The following ANXA8 variants were observed in gnomAD, a reference collection of about 807,000 sequenced individuals.
ANXA8 encodes the protein VAC-beta.
In ANXA8, 9 loss-of-function variants were observed where a neutral mutation model predicts 26.8. The ratio of observed to expected loss-of-function variants is 0.34; its 90% CI spans 0.20 to 0.59. The LOEUF (loss-of-function observed/expected upper bound fraction) is 0.59, where lower values mean the gene tolerates loss of function less well. Among genes scored for constraint, ANXA8 ranks in the 20% least tolerant of loss-of-function variants. The pLI, the probability that ANXA8 is intolerant of heterozygous loss-of-function variation, is 0.84. For missense variants in ANXA8, 83 were observed against 238.5 expected, an observed-to-expected ratio of 0.35 and a Z score of 4.29; for synonymous variants, 39 against 94.8, an observed-to-expected ratio of 0.41 and a Z score of 3.42.
At chr10:47,981,377 GA>G in the ANXA8 span, among the ~76,000 whole-genome samples, 1 of 128,144 alleles carries the variant, frequency 7.8e-6, no homozygotes, top group Non-Finnish European at 1.7e-5. Flanking sequence ...TTCCTTCTAA[GA>G]CCAGTAAGAA....
At chr10:47,587,927 T>A in the ANXA8 span, among the ~76,000 whole-genome samples, 1 of 146,034 alleles carries the variant, frequency 6.8e-6, no homozygotes, top group Non-Finnish European at 1.5e-5. Context: ...CCTGTTGAAA[T>A]CTTGTGGAAA....
At chr10:47,495,658 A>G in the ANXA8 span, among the ~76,000 whole-genome samples, 1 of 135,696 alleles carries the variant, frequency 7.4e-6, no homozygotes, top group South Asian at 2.5e-4. Flanking sequence ...ACTGAGGAGG[A>G]AGAGGAGGAG....
At chr10:47,951,946 A>T in the ANXA8 span, among the ~76,000 whole-genome samples, 212 of 150,804 alleles carry the variant, frequency 1.4e-3, 2 homozygotes, top group African/African-American at 5.1e-3. Context: ...ATGCAAAGTT[A>T]ATCAGTGCAA....
chr10:47,626,084 G>A, the ANXA8 span, among the ~76,000 whole-genome samples: 2 of 150,244 alleles, frequency 1.3e-5, no homozygotes, highest in Non-Finnish European at 2.9e-5. Flanking sequence ...TTATAGATCT[G>A]GTACTGAGGC....
the ANXA8 span, among the ~76,000 whole-genome samples, chr10:47,901,663 GT>G: frequency 8.4e-6 from 1 of 118,966 alleles, no homozygotes. Flanking sequence ...TGACATACTT[GT>G]TTTTTTTGCT....
At chr10:47,591,434 ATTTTTTT>A in the ANXA8 span, among the ~76,000 whole-genome samples, 17 of 60,214 alleles carry the variant, frequency 2.8e-4, no homozygotes, top group Non-Finnish European at 4.4e-4. Context: ...TTCTTTCTGA[ATTTTTTT>A]TTTTTTTTTT....
the ANXA8 span, among the ~76,000 whole-genome samples, chr10:47,499,943 T>G: frequency 2.7e-5 from 4 of 150,644 alleles, no homozygotes; most frequent in African/African-American, 9.8e-5. Flanking sequence ...AATTTCTTGA[T>G]TTTTTTTTGG....
the ANXA8 span, chr10:47,691,240 T>C: frequency 7.2e-7 from 1 of 1,392,152 alleles, no homozygotes; most frequent in Non-Finnish European, 9.9e-7. Context: ...GTGAGGTCAT[T>C]ATGGTATAGT....
the ANXA8 span, among the ~76,000 whole-genome samples, chr10:47,987,724 G>A: frequency 6.8e-6 from 1 of 147,884 alleles, no homozygotes; most frequent in East Asian, 2.0e-4. Context: ...CTTCGCTACA[G>A]GGACAGAGAT....
At chr10:47,920,177 C>G in the ANXA8 span, among the ~76,000 whole-genome samples, 2 of 76,494 alleles carry the variant, frequency 2.6e-5, no homozygotes, top group Non-Finnish European at 4.7e-5. Context: ...TCCTAAATAA[C>G]CAGACTGTAA....
At chr10:47,565,939 GC>G in the ANXA8 span, 1 of 1,483,916 alleles carries the variant, frequency 6.7e-7, no homozygotes, top group South Asian at 1.3e-5. Flanking sequence ...TGGTGGAGGG[GC>G]GCGCGCGCGG....
the ANXA8 span, among the ~76,000 whole-genome samples, chr10:47,667,622 G>A: frequency 3.3e-5 from 5 of 151,114 alleles, no homozygotes; most frequent in African/African-American, 4.9e-5. Flanking sequence ...TGATCTTGGC[G>A]CACTGCAACA....
At chr10:47,562,817 G>A in the ANXA8 span, among the ~76,000 whole-genome samples, 1 of 150,324 alleles carries the variant, frequency 6.7e-6, no homozygotes, top group African/African-American at 2.5e-5. Flanking sequence ...GGCAGTGGGT[G>A]AGGAGAATAA....
the ANXA8 span, among the ~76,000 whole-genome samples, chr10:47,649,625 T>C: frequency 6.6e-5 from 10 of 151,554 alleles, no homozygotes; most frequent in African/African-American, 2.4e-4. Context: ...GCCAGGCTGG[T>C]CTCGAACTCC....
At chr10:47,743,505 G>A in the ANXA8 span, among the ~76,000 whole-genome samples, 2 of 135,668 alleles carry the variant, frequency 1.5e-5, no homozygotes, top group Admixed American at 1.5e-4. Flanking sequence ...GGGAGGGAGA[G>A]GTAGTGTTTG....
the ANXA8 span, among the ~76,000 whole-genome samples, chr10:47,703,210 G>A: frequency 6.6e-6 from 1 of 151,860 alleles, no homozygotes; most frequent in Non-Finnish European, 1.5e-5. Flanking sequence ...AACCAGAGGG[G>A]AAGAGAGAGC....
the ANXA8 span, among the ~76,000 whole-genome samples, chr10:47,720,912 C>G: frequency 2.2e-5 from 3 of 133,948 alleles, 1 homozygote. Flanking sequence ...TTTGGGAGGC[C>G]GTGGTGGGGG....
At chr10:47,929,119 C>CATTCCTCTTA in the ANXA8 span, among the ~76,000 whole-genome samples, 2 of 77,950 alleles carry the variant, frequency 2.6e-5, no homozygotes, top group African/African-American at 1.2e-4. Flanking sequence ...GCATGGGATA[C>CATTCCTCTTA]TGTGCCTGGC....
At chr10:47,587,097 G>A in the ANXA8 span, among the ~76,000 whole-genome samples, 26 of 147,516 alleles carry the variant, frequency 1.8e-4, no homozygotes, top group African/African-American at 6.2e-4. Flanking sequence ...CCCAGCTAAT[G>A]GGGGGCTGAG....
Sources: gnomAD v4.1 joint callset for allele counts (sites outside exome capture counted in the v4.1 genomes callset) on GRCh38, gnomAD v4.1.1 for gene constraint, MANE v1.5 for transcripts, NCBI Gene and HGNC (gene_info 2026-07-23, HGNC 2026-07-21) for gene names.